CNTN3: variants seen among roughly 807,000 people sequenced by gnomAD.
CNTN3 encodes the protein contactin 3.
CNTN3 carries 60 observed loss-of-function variants against 119.1 expected under a neutral mutation model. That is an observed-to-expected ratio of 0.50 (90% CI 0.41 to 0.62). The LOEUF (loss-of-function observed/expected upper bound fraction) is 0.62. CNTN3 is among the 20% of genes least tolerant of loss of function. CNTN3 has a pLI of 0.00. For synonymous variants in CNTN3, 450 were observed against 438.7 expected, an observed-to-expected ratio of 1.03 and a Z score of -0.32; for missense variants, 1,101 against 1,242.4, an observed-to-expected ratio of 0.89 and a Z score of 1.71.
chr3:74,521,999 C>G (rs1203054984), intron 1 of CNTN3, among the ~76,000 whole-genome samples: 1 of 151,724 alleles, frequency 6.6e-6, no homozygotes, highest in Non-Finnish European at 1.5e-5. Flanking sequence ...GGAACGGGTA[C>G]AACTCTCTGA....
In CNTN3 at chr3:74,285,395, T is replaced by G. The variant is rs1388564156; in HGVS notation, c.2614A>C (p.Asn872His). The change falls in exon 20 of 23, where the codon AAC (asparagine) becomes CAC (histidine). Residue 872 changes from asparagine (N) to histidine (H), a missense_variant. Physicochemically the swap from Asn to His is moderately conservative, Grantham distance 68. Coordinates refer to ENST00000263665, the MANE Select transcript of CNTN3 (RefSeq NM_020872.3). ...TSARLRGLKS[N>H]LAYYTAVRAY... Reference sequence around the variant, plus strand: ...CGGACAGCCGTGTAATAGGCCAGGTTGCTCTTCAGGCCCCGTAGTCTGGCT... The same window carrying G: ...CGGACAGCCGTGTAATAGGCCAGGTGGCTCTTCAGGCCCCGTAGTCTGGCT... 7 of 1,613,776 alleles carry G rather than the reference T, an allele frequency of 4.3e-6. No individual in the cohort carries two copies. The highest frequency in any genetic ancestry group is 5.9e-6 in the Non-Finnish European group (7 of 1,179,882).
chr3:74,366,770 G>GTATATATATA (rs1386159408), intron 8 of CNTN3, among the ~76,000 whole-genome samples: 4 of 44,992 alleles, frequency 8.9e-5, no homozygotes, highest in African/African-American at 3.5e-4. Context: ...GTGTGTGTGT[G>GTATATATATA]TGTGTGTGTG....
At chr3:74,582,617 A>G (rs1474484695) in intron 1 of CNTN3, among the ~76,000 whole-genome samples, 3 of 152,212 alleles carry the variant, frequency 2.0e-5, no homozygotes, top group Non-Finnish European at 4.4e-5. Context: ...AGCCATGCAA[A>G]TTAAAACCAC....
chr3:74,302,067 T>C (rs1485026486), intron 14 of CNTN3, among the ~76,000 whole-genome samples: 1 of 152,216 alleles, frequency 6.6e-6, no homozygotes, highest in African/African-American at 2.4e-5. Flanking sequence ...TTGCAGATGA[T>C]ATTCACTTTT....
At chr3:74,590,550 A>T (rs1462393828) in intron 1 of CNTN3, among the ~76,000 whole-genome samples, 1 of 151,942 alleles carries the variant, frequency 6.6e-6, no homozygotes, top group Non-Finnish European at 1.5e-5. Context: ...ACTTTGGAAA[A>T]CATATGGGGG....
At chr3:74,358,285 T>C (rs1490826618) in intron 11 of CNTN3, among the ~76,000 whole-genome samples, 1 of 152,172 alleles carries the variant, frequency 6.6e-6, no homozygotes, top group Non-Finnish European at 1.5e-5. Context: ...GGGGAGATAT[T>C]AGAAATATAT....
intron 11 of CNTN3, among the ~76,000 whole-genome samples, chr3:74,341,831 C>T (rs1399906743): frequency 3.9e-5 from 6 of 152,060 alleles, no homozygotes; most frequent in East Asian, 1.9e-4. Flanking sequence ...TAAAGCATTA[C>T]GGATGGCAAA....
intron 13 of CNTN3, among the ~76,000 whole-genome samples, chr3:74,330,218 C>T (rs1703228341): frequency 6.6e-6 from 1 of 151,930 alleles, no homozygotes; most frequent in African/African-American, 2.4e-5. Context: ...TAGCCGGACA[C>T]GGTGGTGCAT....
chr3:74,356,482 T>C lies in CNTN3; in HGVS notation c.1364+5408A>G, dbSNP rs191596619. Among the ~76,000 whole-genome samples the C allele has an allele frequency of 1.0e-3, 153 of 152,172 alleles. 3 individuals carry two copies. The highest frequency in any genetic ancestry group is 1.7e-3 in the Admixed American group (26 of 15,292). On this transcript the variant is annotated intron_variant, in intron 11 of 22. Coordinates refer to ENST00000263665, the MANE Select transcript of CNTN3 (RefSeq NM_020872.3). ...TGGAGATAAGAGCCTTCCTAGGTGATTCCCTGAACATCCTGTACTTTGCCA... is the reference window on the plus strand; with the variant it reads ...TGGAGATAAGAGCCTTCCTAGGTGACTCCCTGAACATCCTGTACTTTGCCA...
intron 1 of CNTN3, among the ~76,000 whole-genome samples, chr3:74,527,892 G>C (rs1277232580): frequency 6.6e-6 from 1 of 151,932 alleles, no homozygotes; most frequent in Non-Finnish European, 1.5e-5. Flanking sequence ...GATTTTGAAA[G>C]CAAGTCTTCA....
intron 5 of CNTN3, among the ~76,000 whole-genome samples, chr3:74,403,246 T>G (rs1432847082): frequency 6.6e-6 from 1 of 152,172 alleles, no homozygotes; most frequent in Non-Finnish European, 1.5e-5. Context: ...ATGGACAGTT[T>G]CAACAAAACT....
At chr3:74,428,429 T>G (rs1045557541) in intron 4 of CNTN3, among the ~76,000 whole-genome samples, 1 of 151,304 alleles carries the variant, frequency 6.6e-6, no homozygotes, top group Non-Finnish European at 1.5e-5. Flanking sequence ...GTGATACTGA[T>G]GATCCTGACC....
intron 4 of CNTN3, among the ~76,000 whole-genome samples, chr3:74,463,840 A>T (rs949575488): frequency 1.3e-5 from 2 of 152,180 alleles, no homozygotes; most frequent in African/African-American, 4.8e-5. Flanking sequence ...CTTTAAATCA[A>T]TTCATATTAC....
At chr3:74,397,448 T>C (rs1034839476) in intron 5 of CNTN3, among the ~76,000 whole-genome samples, 12 of 152,004 alleles carry the variant, frequency 7.9e-5, no homozygotes, top group African/African-American at 2.4e-4. Flanking sequence ...TGTGCTCATA[T>C]AAGACGGCAA....
In CNTN3 at chr3:74,512,755, G is replaced by T. The variant is rs142527729; in HGVS notation, c.55+8303C>A. On this transcript the variant is annotated intron_variant, in intron 2 of 22. Transcript: ENST00000263665. ...TGTCATTTGTGGCCTTGTATATACT[G>T]CAGTAAAATTATTCCTTAATGAAAA... 3.4e-4 allele frequency among the ~76,000 whole-genome samples: 48 copies of T among 142,788 alleles called. No individual in the cohort carries two copies. In the East Asian group the frequency reaches 3.4e-3, roughly 10 times the overall value. 93.7% of individuals were successfully genotyped at this position (142,788 alleles called of 152,430 possible). A position where few individuals can be genotyped will look rare whatever the true frequency, so the allele number is the denominator to read the frequency against.
At chr3:74,453,322 C>T (rs1251251902) in intron 4 of CNTN3, among the ~76,000 whole-genome samples, 1 of 152,136 alleles carries the variant, frequency 6.6e-6, no homozygotes, top group Non-Finnish European at 1.5e-5. Context: ...TTGTAGTATT[C>T]TCTGATGGTA....
At chr3:74,352,083 T>C (rs1703828473) in intron 11 of CNTN3, among the ~76,000 whole-genome samples, 1 of 152,158 alleles carries the variant, frequency 6.6e-6, no homozygotes, top group Non-Finnish European at 1.5e-5. Flanking sequence ...AGACAAATGG[T>C]TTTCTATCTG....
At chr3:74,505,927 C>T (rs542604821) in intron 2 of CNTN3, among the ~76,000 whole-genome samples, 1 of 152,186 alleles carries the variant, frequency 6.6e-6, no homozygotes, top group African/African-American at 2.4e-5. Flanking sequence ...TGATTTTTCT[C>T]ATTGCATGGG....
At chr3:74,349,573 C>G (rs1211963824) in intron 11 of CNTN3, among the ~76,000 whole-genome samples, 2 of 152,186 alleles carry the variant, frequency 1.3e-5, no homozygotes, top group Non-Finnish European at 2.9e-5. Flanking sequence ...TATATGAACT[C>G]TTGTACTGCA....
Sources: allele counts gnomAD v4.1 joint callset (sites outside exome capture counted in the v4.1 genomes callset), GRCh38; gene constraint gnomAD v4.1.1; transcripts MANE v1.5; gene names NCBI Gene and HGNC (gene_info 2026-07-23, HGNC 2026-07-21).